Variants in NLGN4Y observed in about 807,000 individuals in gnomAD.
The protein encoded by NLGN4Y is neuroligin-4, Y-linked.
Under a neutral mutation model 8.4 loss-of-function variants are expected in NLGN4Y, and 4 were observed. The observed-to-expected ratio is 0.48, with a 90% CI of 0.23 to 1.09. The LOEUF is 1.09. Among genes scored for constraint, NLGN4Y ranks in the 50% least tolerant of loss-of-function variants. NLGN4Y has a pLI of 0.19. For missense variants in NLGN4Y, 90 were observed against 192.3 expected (o/e 0.47, Z 3.15); for synonymous variants, 35 against 75.6 (o/e 0.46, Z 2.78).
At chrY:14,726,757 A>G (rs2080956536) in intron 4 of NLGN4Y, among the ~76,000 whole-genome samples, 1 of 33,807 alleles carries the variant, frequency 3.0e-5, no homozygotes, top group African/African-American at 1.1e-4. Flanking sequence ...TATTATTGCT[A>G]TTCAAAATGG....
chrY:14,755,694 G>C (rs957952761), intron 4 of NLGN4Y, among the ~76,000 whole-genome samples: 2 of 32,670 alleles, frequency 6.1e-5, no homozygotes, highest in Admixed American at 5.7e-4. Flanking sequence ...ATAAAAATTA[G>C]CCAGGTGTGG....
intron 4 of NLGN4Y, among the ~76,000 whole-genome samples, chrY:14,823,821 T>C (rs763050066): frequency 6.0e-5 from 2 of 33,434 alleles, no homozygotes; most frequent in South Asian, 1.3e-3. Flanking sequence ...AAAGATGACA[T>C]GGTATCATAA....
At chrY:14,753,694 A>G in intron 4 of NLGN4Y, among the ~76,000 whole-genome samples, 2 of 31,599 alleles carry the variant, frequency 6.3e-5, no homozygotes, top group African/African-American at 2.5e-4. Context: ...TTTGAGAATT[A>G]TATATTCATA....
intron 4 of NLGN4Y, among the ~76,000 whole-genome samples, chrY:14,815,874 G>A (rs770129643): frequency 3.0e-5 from 1 of 33,760 alleles, no homozygotes; most frequent in South Asian, 6.6e-4. Context: ...AGACCAACAA[G>A]TATTGAAATC....
intron 2 of NLGN4Y, among the ~76,000 whole-genome samples, chrY:14,711,741 C>T: frequency 6.3e-5 from 2 of 31,996 alleles, no homozygotes; most frequent in Non-Finnish European, 1.5e-4. Flanking sequence ...CATCTGAATG[C>T]TGCTTTCTGG....
At chrY:14,596,325 T>C (rs2080397256) in intron 1 of NLGN4Y, among the ~76,000 whole-genome samples, 1 of 33,404 alleles carries the variant, frequency 3.0e-5, no homozygotes, top group Non-Finnish European at 7.4e-5. Flanking sequence ...GAGTTTATAC[T>C]AGAAGTCATT....
chrY:14,829,858 A>G lies in NLGN4Y; in HGVS notation c.1000A>G (p.Met334Val). The change falls in exon 6 of 7, where the codon ATG becomes GTG. Residue 334 changes from methionine to valine, a missense_variant. Met to Val is a conservative substitution (Grantham distance 21, BLOSUM62 1). Around this residue, in one of 4 missense-constraint regions of NLGN4Y, gnomAD observed 16 missense variants for 37.6 expected, o/e 0.43. Transcript: ENST00000684976. ...CTGCAACATGCTGGACACCACGGAC[A>G]TGGTAGAATGTCTGAAGAACAAGAA... ...VGCNMLDTTD[M>V]VECLKNKNYK... 1 of 398,932 alleles carries G rather than the reference A, an allele frequency of 2.5e-6. No individual in the cohort carries two copies. The highest frequency in any genetic ancestry group is 3.5e-6 in the Non-Finnish European group (1 of 283,707).
chrY:14,650,606 A>G lies in NLGN4Y; in HGVS notation c.472+28015A>G, dbSNP rs914929919. 1.2e-4 allele frequency among the ~76,000 whole-genome samples: 4 copies of G among 33,546 alleles called. No homozygotes were observed. In the South Asian group the frequency reaches 2.7e-3, roughly 23 times the overall value. 90.0% of individuals were successfully genotyped at this position (33,546 alleles called of 37,273 possible). ...TAATCTATGCAGAGCATATTTTTAT[A>G]TATGGAGTTAGGTAGGGATCTCATT... On this transcript the variant is annotated intron_variant, in intron 2 of 6. Coordinates refer to ENST00000684976, the MANE Select transcript of NLGN4Y (RefSeq NM_001365588.1).
chrY:14,633,918 G>A (rs1398736772), intron 2 of NLGN4Y, among the ~76,000 whole-genome samples: 1 of 32,823 alleles, frequency 3.0e-5, no homozygotes, highest in African/African-American at 1.2e-4. Context: ...CCGCTTTTTG[G>A]TTTTCCTAAA....
intron 4 of NLGN4Y, chrY:14,751,545 T>A: frequency 3.0e-5 from 1 of 33,491 alleles, no homozygotes; most frequent in Non-Finnish European, 7.3e-5. Context: ...TTGTTTTTGA[T>A]TAGTTTTTCT....
At chrY:14,722,224 A>AT (rs2080937268) in intron 3 of NLGN4Y, among the ~76,000 whole-genome samples, 10 of 32,722 alleles carry the variant, frequency 3.1e-4, no homozygotes, top group Non-Finnish European at 5.2e-4. Flanking sequence ...TCTGTTAATA[A>AT]TTTTTAACTA....
At chrY:14,670,007 G>A (rs2080705162) in intron 2 of NLGN4Y, among the ~76,000 whole-genome samples, 2 of 34,380 alleles carry the variant, frequency 5.8e-5, no homozygotes, top group Admixed American at 5.3e-4. Context: ...GGTCACATAT[G>A]CAATTTAAAA....
At chrY:14,661,383 T>C (rs2080674123) in intron 2 of NLGN4Y, among the ~76,000 whole-genome samples, 1 of 32,641 alleles carries the variant, frequency 3.1e-5, no homozygotes, top group African/African-American at 1.2e-4. Flanking sequence ...AAATCACCTA[T>C]GGGTACAGTG....
At chrY:14,581,604 C>T in intron 1 of NLGN4Y, among the ~76,000 whole-genome samples, 5 of 33,665 alleles carry the variant, frequency 1.5e-4, no homozygotes. Flanking sequence ...GTTTGCATTT[C>T]CCAGGCAGTC....
chrY:14,687,653 CT>C (rs2080796326), intron 2 of NLGN4Y, among the ~76,000 whole-genome samples: 1 of 32,914 alleles, frequency 3.0e-5, no homozygotes, highest in Non-Finnish European at 7.5e-5. Flanking sequence ...CCATTACTTC[CT>C]TCCCACAATT....
intron 2 of NLGN4Y, among the ~76,000 whole-genome samples, chrY:14,643,678 G>T (rs948780358): frequency 1.2e-4 from 4 of 33,288 alleles, no homozygotes; most frequent in Non-Finnish European, 2.9e-4. Context: ...AATATGCTGT[G>T]CCTGACATCT....
At chrY:14,697,251 T>A (rs748385013) in intron 2 of NLGN4Y, among the ~76,000 whole-genome samples, 2 of 23,127 alleles carry the variant, frequency 8.6e-5, no homozygotes, top group Non-Finnish European at 2.1e-4. Flanking sequence ...ATAGATAGAT[T>A]GATAGATAAT....
At chrY:14,832,575 G>T in intron 6 of NLGN4Y, among the ~76,000 whole-genome samples, 1 of 34,051 alleles carries the variant, frequency 2.9e-5, no homozygotes, top group Non-Finnish European at 7.3e-5. Flanking sequence ...CACTTTGGGA[G>T]GCCAAGGCCG....
chrY:14,596,494 C>T (rs745606713), intron 1 of NLGN4Y, among the ~76,000 whole-genome samples: 18 of 33,644 alleles, frequency 5.4e-4, no homozygotes, highest in African/African-American at 2.0e-3. Context: ...CTCGCTTGGG[C>T]GACATGCTTG....
Sources: gnomAD v4.1 joint callset for allele counts (sites outside exome capture counted in the v4.1 genomes callset) on GRCh38, gnomAD v4.1.1 for gene constraint, gnomAD v4.1.1 regional missense constraint, MANE v1.5 for transcripts, NCBI Gene and HGNC (gene_info 2026-07-23, HGNC 2026-07-21) for gene names.